Variants in AEBP2 observed in about 807,000 individuals in gnomAD.
AEBP2 encodes the protein AE binding protein 2, also known as zinc finger protein AEBP2.
In AEBP2, 10 loss-of-function variants were observed where a neutral mutation model predicts 50.8. The observed-to-expected ratio is 0.20, with a 90% CI of 0.12 to 0.33. The LOEUF (loss-of-function observed/expected upper bound fraction) is 0.33. Among genes scored for constraint, AEBP2 ranks in the 10% least tolerant of loss-of-function variants. AEBP2 has a pLI of 1.00. For synonymous variants in AEBP2, 296 were observed against 261.3 expected (o/e 1.13, Z -1.28); for missense variants, 570 against 688.0 (o/e 0.83, Z 1.92).
chr12:19,439,599 T>A lies in AEBP2; in HGVS notation c.-101T>A. The A allele has an allele frequency of 7.1e-7, 1 of 1,412,796 alleles. No homozygotes were observed. The highest frequency in any genetic ancestry group is 1.4e-5 in the South Asian group (1 of 72,318). The allele number at this position is 1,412,796 out of a possible 1,614,324, so 87.5% of individuals were successfully genotyped here. On this transcript the variant is annotated 5_prime_UTR_variant, in exon 1 of 8. Transcript: ENST00000266508. ...GCCCTCCTCCTGCTCTGCAGCGGCG[T>A]CGGCGGAGTTTTGGGCGTTTGGGAG...
chr12:19,455,357 G>A (rs1327218199), intron 1 of AEBP2, among the ~76,000 whole-genome samples: 1 of 152,082 alleles, frequency 6.6e-6, no homozygotes, highest in Non-Finnish European at 1.5e-5. Flanking sequence ...ACAACACTTG[G>A]CAAGTGGTAG....
At chr12:19,502,603 G>A (rs1209178627) in intron 5 of AEBP2, among the ~76,000 whole-genome samples, 1 of 150,648 alleles carries the variant, frequency 6.6e-6, no homozygotes, top group Non-Finnish European at 1.5e-5. Flanking sequence ...TAGGTGTGCA[G>A]TTTTATTTCA....
chr12:19,480,077 C>G (rs539763134), intron 3 of AEBP2, among the ~76,000 whole-genome samples: 2 of 151,868 alleles, frequency 1.3e-5, no homozygotes, highest in East Asian at 3.9e-4. Flanking sequence ...TTTATAGGTC[C>G]TATGAGATTT....
At chr12:19,414,484 GC>G (rs1284788998) in intron 1 of AEBP2, among the ~76,000 whole-genome samples, 2 of 152,112 alleles carry the variant, frequency 1.3e-5, no homozygotes, top group Non-Finnish European at 2.9e-5. Flanking sequence ...CAGGGAATAG[GC>G]CTGGCACTAG....
chr12:19,512,406 TA>T lies in AEBP2; in HGVS notation c.1310del (p.Lys437ArgfsTer26). 2 of 1,563,332 alleles carry T rather than the reference TA, an allele frequency of 1.3e-6. No individual in the cohort carries two copies. The highest frequency in any genetic ancestry group is 1.7e-6 in the Non-Finnish European group (2 of 1,150,988). ...SVVFHSTVIA[K>X]RKEDSGKIKL... ...TTTCATGTCATTATCAGGTAATAGC[TA>T]AGAGAAAAGAAGATTCTGGGAAGAT... On this transcript the variant is annotated frameshift_variant, in exon 6 of 8. Coordinates refer to ENST00000266508, the MANE Select transcript of AEBP2 (RefSeq NM_153207.5). LOFTEE classifies it high-confidence loss of function.
At chr12:19,436,575 C>G (rs913407621), upstream of AEBP2, among the ~76,000 whole-genome samples, 7 of 126,870 alleles carry the variant, frequency 5.5e-5, no homozygotes, top group South Asian at 2.6e-4. Flanking sequence ...CTTTTGTTTT[C>G]TTTTCTTTTT....
chr12:19,427,984 C>A (rs2095749450), intron 1 of AEBP2, among the ~76,000 whole-genome samples: 1 of 151,824 alleles, frequency 6.6e-6, no homozygotes, highest in Non-Finnish European at 1.5e-5. Flanking sequence ...CTCCCGTAAT[C>A]CCAGCACTTT....
At chr12:19,493,758 A>G (rs968727301) in intron 3 of AEBP2, 42 bp from the exon 4 acceptor site, 2 of 1,589,178 alleles carry the variant, frequency 1.3e-6, no homozygotes, top group Non-Finnish European at 1.7e-6. Context: ...CTCGTGCCCT[A>G]CACAGCATGC....
Position 19,439,893 on chromosome 12 carries a change from G to A in AEBP2, c.194G>A (p.Gly65Glu), listed in dbSNP as rs1947914172. The A allele has an allele frequency of 2.0e-6, 3 of 1,487,426 alleles. No individual in the cohort carries two copies. The highest frequency in any genetic ancestry group is 5.5e-5 in the East Asian group (2 of 36,598). 92.1% of individuals were successfully genotyped at this position (1,487,426 alleles called of 1,614,324 possible). The change falls in exon 1 of 8, where the codon GGG (glycine) becomes GAG (glutamate). Residue 65 changes from glycine to glutamate, a missense_variant. Transcript: ENST00000266508. ...CTGCTGCTGAACGGCGGCAGCGGTG[G>A]GGGCGGCGGAGGCGGCGGCGGAGGA... is the stretch of plus-strand genomic sequence containing the variant. ...AALLLNGGSG[G>E]GGGGGGGGVG...
intron 6 of AEBP2, among the ~76,000 whole-genome samples, chr12:19,513,311 A>G (rs1949264223): frequency 1.9e-5 from 2 of 103,708 alleles, no homozygotes; most frequent in African/African-American, 6.1e-5. Context: ...CTTAGTTCAT[A>G]TATTTCATGT....
chr12:19,409,123 G>A (rs903206104), intron 1 of AEBP2, among the ~76,000 whole-genome samples: 2 of 152,088 alleles, frequency 1.3e-5, no homozygotes, highest in African/African-American at 2.4e-5. Flanking sequence ...ACAAAAGCTT[G>A]CAGCCTTCAA....
At chr12:19,426,303 G>C (rs2095748518) in intron 1 of AEBP2, among the ~76,000 whole-genome samples, 1 of 152,132 alleles carries the variant, frequency 6.6e-6, no homozygotes, top group Non-Finnish European at 1.5e-5. Flanking sequence ...AAATGTGTTT[G>C]TCTGTCTTGA....
chr12:19,513,318 A>G (rs1356549369), intron 6 of AEBP2, among the ~76,000 whole-genome samples: 1 of 78,386 alleles, frequency 1.3e-5, no homozygotes, highest in African/African-American at 3.5e-5. Context: ...CATATATTTC[A>G]TGTATTTTTT....
intron 1 of AEBP2, among the ~76,000 whole-genome samples, chr12:19,451,563 C>T (rs1948166138): frequency 6.6e-6 from 1 of 152,108 alleles, no homozygotes; most frequent in African/African-American, 2.4e-5. Flanking sequence ...AGTCTGGCAT[C>T]ATCACTTCTG....
chr12:19,450,008 A>C (rs1663716804), intron 1 of AEBP2, among the ~76,000 whole-genome samples: 1 of 152,214 alleles, frequency 6.6e-6, no homozygotes, highest in Admixed American at 6.5e-5. Flanking sequence ...ACTTATTTAT[A>C]ACACACAGAT....
At chr12:19,416,793 C>T (rs2095742843) in intron 1 of AEBP2, among the ~76,000 whole-genome samples, 1 of 151,756 alleles carries the variant, frequency 6.6e-6, no homozygotes, top group African/African-American at 2.4e-5. Context: ...CTCAGGTAAT[C>T]AGCCCACCTC....
intron 1 of AEBP2, among the ~76,000 whole-genome samples, chr12:19,460,375 T>C (rs1362334785): frequency 6.6e-6 from 1 of 152,186 alleles, no homozygotes; most frequent in Non-Finnish European, 1.5e-5. Context: ...AGAGTCTCGC[T>C]CTGTCGCCCA....
At chr12:19,413,554 C>A in intron 1 of AEBP2, 1 of 679,050 alleles carries the variant, frequency 1.5e-6, no homozygotes, top group Non-Finnish European at 2.7e-6. Flanking sequence ...TGTCTATATG[C>A]CTTTTAAAAA....
At chr12:19,456,402 C>G in intron 1 of AEBP2, 1 of 1,379,852 alleles carries the variant, frequency 7.2e-7, no homozygotes, top group African/African-American at 1.4e-5. Context: ...GCACTCAACA[C>G]ACACGGGCTT....
Sources: gnomAD v4.1 joint callset for allele counts (sites outside exome capture counted in the v4.1 genomes callset) on GRCh38, gnomAD v4.1.1 for gene constraint, MANE v1.5 for transcripts, NCBI Gene and HGNC (gene_info 2026-07-23, HGNC 2026-07-21) for gene names.